The following NEGR1 variants were observed in gnomAD, a reference collection of about 807,000 sequenced individuals.
NEGR1 encodes IgLON family member 4.
NEGR1 carries 10 observed loss-of-function variants against 40.9 expected under a neutral mutation model. That is an observed-to-expected ratio of 0.24 (90% CI 0.15 to 0.42). The LOEUF (loss-of-function observed/expected upper bound fraction) is 0.42, where lower values mean the gene tolerates loss of function less well. Ranked by LOEUF, NEGR1 falls within the 10% of genes least tolerant of loss-of-function variation. NEGR1 has a pLI of 1.00. For synonymous variants in NEGR1, 185 were observed against 166.8 expected, an observed-to-expected ratio of 1.11 and a Z score of -0.84; for missense variants, 352 against 438.9, an observed-to-expected ratio of 0.80 and a Z score of 1.77.
At chr1:71,851,025 G>A (rs1240362344) in intron 2 of NEGR1, among the ~76,000 whole-genome samples, 3 of 152,134 alleles carry the variant, frequency 2.0e-5, no homozygotes, top group East Asian at 1.9e-4. Flanking sequence ...GTTTCAAGAT[G>A]AGCGTGTGTT....
At position 71,647,869 on chromosome 1, in the gene NEGR1, T is replaced by C. The variant is rs114366351; in HGVS notation, c.668-36723A>G. On this transcript the variant is annotated intron_variant, in intron 4 of 6. Transcript: ENST00000357731. The stretch of plus-strand genomic sequence containing the variant: ...CTTGTGACACTGTGTAAACTTATTA[T>C]AGTATACATGTGGCCACACCACTGA... Among the ~76,000 whole-genome samples the C allele has an allele frequency of 3.7e-3, 565 of 152,106 alleles. 3 individuals carry two copies. Among genetic ancestry groups the C allele is most frequent in the Middle Eastern group, 0.017 (5 of 294 alleles).
intron 2 of NEGR1, among the ~76,000 whole-genome samples, chr1:71,806,888 G>GA (rs1657792872): frequency 8.3e-6 from 1 of 120,552 alleles, no homozygotes; most frequent in Admixed American, 8.7e-5. Flanking sequence ...ATGTCGATCT[G>GA]TTTTTTTTTG....
chr1:71,632,977 C>T (rs1336902634), intron 4 of NEGR1, among the ~76,000 whole-genome samples: 1 of 152,032 alleles, frequency 6.6e-6, no homozygotes, highest in African/African-American at 2.4e-5. Flanking sequence ...TGAATAATTG[C>T]TGTTATGAAT....
intron 1 of NEGR1, among the ~76,000 whole-genome samples, chr1:72,265,393 A>AT (rs1655605682): frequency 1.3e-5 from 2 of 151,032 alleles, no homozygotes; most frequent in East Asian, 1.9e-4. Flanking sequence ...CCTCTTTTAC[A>AT]TTTTTTCTCC....
chr1:71,407,985 T>C (rs931941860), intron 6 of NEGR1: 2 of 153,706 alleles, frequency 1.3e-5, no homozygotes, highest in African/African-American at 4.8e-5. Context: ...AGCTAAATAC[T>C]GTACTAAATG....
At chr1:71,597,472 C>CTCTCTCTCTCTCTCTCTCTG (rs756076229) in intron 5 of NEGR1, among the ~76,000 whole-genome samples, 4 of 31,324 alleles carry the variant, frequency 1.3e-4, no homozygotes, top group African/African-American at 4.0e-4. Context: ...CTCTCTCTCT[C>CTCTCTCTCTCTCTCTCTCTG]TGTGTGTGTG....
At chr1:71,596,079 G>T (rs899091404) in intron 5 of NEGR1, among the ~76,000 whole-genome samples, 1 of 148,172 alleles carries the variant, frequency 6.7e-6, no homozygotes, top group African/African-American at 2.5e-5. Flanking sequence ...AACAAATTCT[G>T]TAGAGCTCGG....
chr1:72,142,558 G>GATAGATAA (rs1235429301), intron 1 of NEGR1, among the ~76,000 whole-genome samples: 3 of 151,634 alleles, frequency 2.0e-5, no homozygotes, highest in Admixed American at 6.6e-5. Flanking sequence ...TAGATAGATA[G>GATAGATAA]ATAGATAGAC....
At chr1:72,065,494 A>G (rs181654958) in intron 1 of NEGR1, among the ~76,000 whole-genome samples, 91 of 152,168 alleles carry the variant, frequency 6.0e-4, no homozygotes, top group African/African-American at 2.1e-3. Context: ...AACAAATAAA[A>G]TCAATCTGCC....
At chr1:72,150,615 G>T (rs971065034) in intron 1 of NEGR1, among the ~76,000 whole-genome samples, 2 of 152,064 alleles carry the variant, frequency 1.3e-5, no homozygotes, top group African/African-American at 4.8e-5. Flanking sequence ...CAGCCACTTT[G>T]TAAAATGAAT....
intron 6 of NEGR1, among the ~76,000 whole-genome samples, chr1:71,566,503 C>T (rs1648623679): frequency 6.6e-6 from 1 of 152,080 alleles, no homozygotes; most frequent in Admixed American, 6.6e-5. Flanking sequence ...CATAGAAAGA[C>T]TACTCTTCAT....
chr1:72,217,586 A>C (rs1023416475), intron 1 of NEGR1, among the ~76,000 whole-genome samples: 1 of 151,890 alleles, frequency 6.6e-6, no homozygotes, highest in African/African-American at 2.4e-5. Flanking sequence ...CAGTTACCAC[A>C]AAATGTGAAA....
At chr1:71,593,012 C>T in intron 5 of NEGR1, 44 bp from the exon 6 acceptor site, 1 of 1,446,224 alleles carries the variant, frequency 6.9e-7, no homozygotes, top group Non-Finnish European at 9.7e-7. Flanking sequence ...ATTGTGAATA[C>T]CAGTTTCATT....
At chr1:71,467,594 T>C (rs1390274651) in intron 6 of NEGR1, among the ~76,000 whole-genome samples, 1 of 152,070 alleles carries the variant, frequency 6.6e-6, no homozygotes, top group Non-Finnish European at 1.5e-5. Context: ...CTATTGATAA[T>C]TAGAGGTTGT....
At chr1:71,918,196 G>T (rs1367208060) in intron 2 of NEGR1, among the ~76,000 whole-genome samples, 1 of 102,262 alleles carries the variant, frequency 9.8e-6, no homozygotes, top group Non-Finnish European at 1.8e-5. Flanking sequence ...TAGCCTGGGC[G>T]ACAGAACGAG....
chr1:71,820,652 T>G (rs1455671693), intron 2 of NEGR1, among the ~76,000 whole-genome samples: 2 of 151,934 alleles, frequency 1.3e-5, no homozygotes. Context: ...TGTCCTCAAA[T>G]GTACAATCAA....
At chr1:71,566,865 G>A (rs372328706) in intron 6 of NEGR1, among the ~76,000 whole-genome samples, 4 of 152,198 alleles carry the variant, frequency 2.6e-5, no homozygotes, top group Middle Eastern at 3.4e-3. Flanking sequence ...GTGAGGGCCC[G>A]TTCTTCAGGG....
chr1:71,451,988 AAATT>A (rs1363182555), intron 6 of NEGR1, among the ~76,000 whole-genome samples: 1 of 152,182 alleles, frequency 6.6e-6, no homozygotes, highest in African/African-American at 2.4e-5. Flanking sequence ...TAGGGATTCA[AAATT>A]AATAGCTAAA....
chr1:71,800,420 C>T (rs557809737), intron 2 of NEGR1, among the ~76,000 whole-genome samples: 1 of 152,224 alleles, frequency 6.6e-6, no homozygotes, highest in South Asian at 2.1e-4. Flanking sequence ...GAAGTCTTTG[C>T]CCATGCCTAT....
Sources: allele counts gnomAD v4.1 joint callset (sites outside exome capture counted in the v4.1 genomes callset), GRCh38; gene constraint gnomAD v4.1.1; transcripts MANE v1.5; gene names NCBI Gene and HGNC (gene_info 2026-07-23, HGNC 2026-07-21).